The following LTBP1 variants were observed in gnomAD, a reference collection of about 807,000 sequenced individuals.
LTBP1 encodes the protein latent transforming growth factor beta binding protein 1.
LTBP1 carries 129 observed loss-of-function variants against 207.6 expected under a neutral mutation model. That is an observed-to-expected ratio of 0.62 (90% CI 0.54 to 0.72). LTBP1 has a LOEUF of 0.72. Among genes scored for constraint, LTBP1 ranks in the 30% least tolerant of loss-of-function variants. The pLI is 0.00. For missense variants in LTBP1, 2,281 were observed against 2,217.2 expected, an observed-to-expected ratio of 1.03 and a Z score of -0.58; for synonymous variants, 963 against 833.7, an observed-to-expected ratio of 1.16 and a Z score of -2.67.
intron 9 of LTBP1, among the ~76,000 whole-genome samples, chr2:33,235,473 A>G (rs1168053652): frequency 6.6e-6 from 1 of 152,240 alleles, no homozygotes; most frequent in East Asian, 1.9e-4. Context: ...AATTAGTTCA[A>G]CCATTGTGGA....
intron 4 of LTBP1, among the ~76,000 whole-genome samples, chr2:33,120,819 T>C (rs933698961): frequency 1.3e-5 from 2 of 152,158 alleles, no homozygotes; most frequent in Non-Finnish European, 1.5e-5. Flanking sequence ...AGCAGTGTTG[T>C]ATGTGTATTT....
At chr2:33,379,359 G>A (rs2095186075) in intron 31 of LTBP1, among the ~76,000 whole-genome samples, 1 of 151,994 alleles carries the variant, frequency 6.6e-6, no homozygotes, top group Admixed American at 6.6e-5. Context: ...ACAGGTGCCT[G>A]CCACCATGCC....
intron 3 of LTBP1, among the ~76,000 whole-genome samples, chr2:33,068,054 A>AT (rs1424583244): frequency 6.6e-6 from 1 of 151,754 alleles, no homozygotes; most frequent in Non-Finnish European, 1.5e-5. Flanking sequence ...GGATAACAGT[A>AT]TTTTTTCCAT....
chr2:33,252,832 C>G lies in LTBP1; in HGVS notation c.2155C>G (p.Leu719Val), dbSNP rs1359295062. The change falls in exon 11 of 34, where the codon CTT (leucine) becomes GTT (valine). Residue 719 changes from leucine (L) to valine (V), a missense_variant. Leu to Val is a conservative substitution (Grantham distance 32). Transcript: ENST00000404816. Reference sequence around the variant, plus strand: ...GGGCCCACACTGTGAGAAATGTCCCCTTCCAGGCACAGGTAAGACATGCCC... The same window carrying G: ...GGGCCCACACTGTGAGAAATGTCCCGTTCCAGGCACAGGTAAGACATGCCC... ...AWGPHCEKCP[L>V]PGTAAFKEIC... 55 of 1,605,652 alleles carry G rather than the reference C, an allele frequency of 3.4e-5. No individual in the cohort carries two copies. Among genetic ancestry groups the G allele is most frequent in the Non-Finnish European group, 4.3e-5 (50 of 1,174,352 alleles).
chr2:33,222,157 A>G lies in LTBP1; in HGVS notation c.1876+6A>G, dbSNP rs1398269507. 1.3e-6 allele frequency: 2 copies of G among 1,598,796 alleles called. No individual in the cohort carries two copies. Among genetic ancestry groups the G allele is most frequent in the South Asian group, 1.1e-5 (1 of 90,860 alleles). ...TAACAACACCTTTTGCCAAGGTAAGACTAACTGAATTCATTGATGTGGACT... is the reference window on the plus strand; with the variant it reads ...TAACAACACCTTTTGCCAAGGTAAGGCTAACTGAATTCATTGATGTGGACT... On this transcript the variant is annotated splice_donor_region_variant and intron_variant, in intron 9 of 33. Transcript: ENST00000404816.
At chr2:33,041,463 C>T (rs219216) in intron 3 of LTBP1, among the ~76,000 whole-genome samples, 137,703 of 152,064 alleles carry the variant, frequency 0.91, 63,754 homozygotes, top group East Asian at 1. Context: ...TTTTGTATTT[C>T]AGTAGAGATA....
At chr2:33,307,461 A>C (rs1463312) in intron 22 of LTBP1, among the ~76,000 whole-genome samples, 122,874 of 152,080 alleles carry the variant, frequency 0.81, 50,057 homozygotes, top group African/African-American at 0.87. Flanking sequence ...GCAATAAAGC[A>C]CAGAGAACTA....
intron 9 of LTBP1, among the ~76,000 whole-genome samples, chr2:33,241,819 A>G (rs2092334372): frequency 6.6e-6 from 1 of 152,026 alleles, no homozygotes; most frequent in Non-Finnish European, 1.5e-5. Context: ...TGGACTTGGC[A>G]CTCTTCCTGG....
chr2:33,370,857 C>T (rs1216062299), intron 31 of LTBP1, among the ~76,000 whole-genome samples: 2 of 152,216 alleles, frequency 1.3e-5, no homozygotes, highest in Admixed American at 1.3e-4. Context: ...AATCGCACCA[C>T]TTGTCATCAG....
intron 32 of LTBP1, among the ~76,000 whole-genome samples, chr2:33,393,520 CTA>C (rs2095334297): frequency 6.6e-6 from 1 of 150,500 alleles, no homozygotes; most frequent in Non-Finnish European, 1.5e-5. Flanking sequence ...CAATTCCCAC[CTA>C]TGAGTGAGAA....
At chr2:33,257,077 T>A (rs2092882898) in intron 11 of LTBP1, among the ~76,000 whole-genome samples, 1 of 150,682 alleles carries the variant, frequency 6.6e-6, no homozygotes, top group Admixed American at 6.6e-5. Context: ...AAATGTTTAG[T>A]AAAAAAAAAG....
At position 33,356,536 on chromosome 2, in the gene LTBP1, G is replaced by A. The variant is rs557020279; in HGVS notation, c.4001-4061G>A. On this transcript the variant is annotated intron_variant, in intron 26 of 33. Transcript: ENST00000404816. ...CTACTAAAAATACAAAAAATTCGCC[G>A]GGCATGGTGGCAGGCGCCTGTAGTC... 3.5e-4 allele frequency among the ~76,000 whole-genome samples: 54 copies of A among 152,174 alleles called. No homozygotes were observed. In the South Asian group the frequency reaches 8.9e-3, roughly 25 times the overall value.
At chr2:33,394,038 G>A (rs1423062380) in intron 32 of LTBP1, among the ~76,000 whole-genome samples, 1 of 151,970 alleles carries the variant, frequency 6.6e-6, no homozygotes, top group Non-Finnish European at 1.5e-5. Flanking sequence ...TCCTCTGATG[G>A]CCAGTGATGA....
intron 3 of LTBP1, among the ~76,000 whole-genome samples, chr2:33,022,712 G>A (rs1208274875): frequency 6.6e-6 from 1 of 152,136 alleles, no homozygotes; most frequent in Non-Finnish European, 1.5e-5. Flanking sequence ...GGGACAGATA[G>A]TAAATATTTT....
chr2:33,197,768 G>A (rs2088734864), intron 7 of LTBP1, among the ~76,000 whole-genome samples: 1 of 152,154 alleles, frequency 6.6e-6, no homozygotes. Context: ...ACAGTATAGA[G>A]TTCAGGGTCC....
intron 15 of LTBP1, among the ~76,000 whole-genome samples, chr2:33,264,106 A>T (rs924035150): frequency 2.0e-5 from 3 of 151,938 alleles, no homozygotes; most frequent in South Asian, 2.1e-4. Context: ...ATACAAAAAA[A>T]TTAGCTGGGC....
Position 33,365,399 on chromosome 2 carries a change from G to A in LTBP1, c.4607G>A (p.Cys1536Tyr). 6.2e-7 allele frequency: 1 copy of A among 1,614,214 alleles called. No homozygotes were observed. Among genetic ancestry groups the A allele is most frequent in the East Asian group, 2.2e-5 (1 of 44,892 alleles). The change falls in exon 31 of 34, where the codon TGT (cysteine) becomes TAT (tyrosine). Residue 1536 changes from cysteine (C) to tyrosine (Y), a missense_variant. This residue lies in a region of LTBP1 where 1,671 missense variants were observed against 1,634.8 expected (regional missense o/e 1.02). Transcript: ENST00000404816. ...CWEHLSDEYV[C>Y]SRPLVGKQTT... ...GAACATCTGAGTGATGAATACGTGT[G>A]TAGCCGGCCTCTTGTGGGCAAGCAG...
rs979766287 is a variant in LTBP1, at chr2:33,360,655, C to T, written c.4059C>T (p.Leu1353=). ...KEEKKECYYN[L]NDASLCDNVL... ...AAAAGAAAGAATGCTACTATAATCT[C>T]AATGACGCCAGTCTCTGTGATAATG... Residue 1353 remains leucine, a synonymous_variant, in exon 27 of 34, where the codon CTC becomes CTT. Transcript: ENST00000404816. 3 of 1,613,766 alleles carry T rather than the reference C, an allele frequency of 1.9e-6. No homozygotes were observed. The highest frequency in any genetic ancestry group is 2.2e-5 in the East Asian group (1 of 44,884).
In LTBP1 at chr2:33,398,344, C is replaced by T. The variant is rs1394430406; in HGVS notation, c.4985-20C>T. On this transcript the variant is annotated intron_variant, in intron 33 of 33. Transcript: ENST00000404816. ...AATAATATCCAAGATTGTTTACCTG[C>T]ATGGCTTGACTTATTGCAGATGTAA... The T allele has an allele frequency of 2.5e-6, 4 of 1,607,394 alleles. No homozygotes were observed. The highest frequency in any genetic ancestry group is 2.2e-5 in the East Asian group (1 of 44,800).
Sources: gnomAD v4.1 joint callset for allele counts (sites outside exome capture counted in the v4.1 genomes callset) on GRCh38, gnomAD v4.1.1 for gene constraint, gnomAD v4.1.1 regional missense constraint, MANE v1.5 for transcripts, NCBI Gene and HGNC (gene_info 2026-07-23, HGNC 2026-07-21) for gene names.